Variants in DISP3 observed in about 807,000 individuals in gnomAD.
DISP3 encodes the protein protein dispatched homolog 3.
A neutral mutation model predicts 135.3 loss-of-function variants in DISP3; 101 were observed. That is an observed-to-expected ratio of 0.75 (90% confidence interval 0.64 to 0.88). The LOEUF is 0.88. Ranked by LOEUF, DISP3 falls within the 40% of genes least tolerant of loss-of-function variation. The probability of loss-of-function intolerance (pLI) is 0.00; values close to 1 mark genes in which losing one functional copy is unlikely to be tolerated. For missense variants in DISP3, 1,713 were observed against 1,878.6 expected, an observed-to-expected ratio of 0.91 and a Z score of 1.63; for synonymous variants, 856 against 817.0, an observed-to-expected ratio of 1.05 and a Z score of -0.81.
chr1:11,484,098 C>A (rs548930591), intron 1 of DISP3, among the ~76,000 whole-genome samples: 1 of 152,218 alleles, frequency 6.6e-6, no homozygotes, highest in Non-Finnish European at 1.5e-5. Flanking sequence ...TTGCTGTCAT[C>A]GCTCCAGTCC....
chr1:11,494,217 G>A (rs1025860674), intron 1 of DISP3, among the ~76,000 whole-genome samples: 22 of 152,236 alleles, frequency 1.4e-4, no homozygotes, highest in African/African-American at 5.1e-4. Flanking sequence ...CTTCCCTAGC[G>A]TCCTTGCAGG....
rs184538743 is a variant in DISP3, at chr1:11,529,986, C to G, written c.3102+27C>G. On this transcript the variant is annotated intron_variant, in intron 15 of 20. Coordinates refer to ENST00000294484, the MANE Select transcript of DISP3 (RefSeq NM_020780.2). The surrounding 1 kb of genome is among the most constrained non-coding windows in gnomAD (Gnocchi z 4.7). ...TACGGGGCATGCGTCGGGCAGATGC[C>G]GAGGGCCCCAGCTGCAACAGTCTTG... The G allele has an allele frequency of 1.2e-6, 2 of 1,603,420 alleles. No individual in the cohort carries two copies. The highest frequency in any genetic ancestry group is 1.1e-5 in the South Asian group (1 of 90,644).
chr1:11,536,506 G>A lies in DISP3; in HGVS notation c.3999G>A (p.Thr1333=), dbSNP rs777322447. The change falls in exon 21 of 21, where the codon ACG becomes ACA. Residue 1333 remains threonine, a synonymous_variant. Coordinates refer to ENST00000294484, the MANE Select transcript of DISP3 (RefSeq NM_020780.2). The surrounding 1 kb of genome is among the most constrained non-coding windows in gnomAD (Gnocchi z 4.3). ...ALNTGVSILY[T]LTVSTALLGI... is the part of the protein sequence containing the mutation. ...ACACGGGCGTGTCCATCCTCTACAC[G>A]CTGACCGTCAGCACCGCCCTGCTGG... The A allele has an allele frequency of 1.4e-5, 23 of 1,613,180 alleles. No homozygotes were observed. Among genetic ancestry groups the A allele is most frequent in the South Asian group, 4.4e-5 (4 of 91,082 alleles).
intron 3 of DISP3, among the ~76,000 whole-genome samples, chr1:11,504,815 AT>A (rs950465882): frequency 5.3e-5 from 8 of 152,332 alleles, no homozygotes; most frequent in African/African-American, 1.9e-4. Context: ...CATGAACTAA[AT>A]AAACCTCTTT....
Position 11,531,015 on chromosome 1 carries a change from G to A in DISP3, c.3211G>A (p.Ala1071Thr). Reference protein sequence around the residue: ...ANSELVKPGGAQCLPSGYSIS... With the variant: ...ANSELVKPGGTQCLPSGYSIS... ...CTCCGAGCTGGTGAAGCCGGGTGGGGCCCAGTGCCTGCCTTCAGGTGCGTG... is the reference window on the plus strand; with the variant it reads ...CTCCGAGCTGGTGAAGCCGGGTGGGACCCAGTGCCTGCCTTCAGGTGCGTG... Residue 1071 changes from alanine (A) to threonine (T), a missense_variant, in exon 16 of 21, where the codon GCC (alanine) becomes ACC (threonine). Physicochemically the swap from Ala to Thr is moderately conservative, Grantham distance 58. Around this residue, in one of 2 missense-constraint regions of DISP3, gnomAD observed 1,142 missense variants for 1,384.6 expected, o/e 0.82. Coordinates refer to ENST00000294484, the MANE Select transcript of DISP3 (RefSeq NM_020780.2). This position sits in a 1 kb window ranked among gnomAD's most constrained non-coding sequence, Gnocchi z 5.2. The A allele has an allele frequency of 6.2e-7, 1 of 1,613,828 alleles. No homozygotes were observed. Among genetic ancestry groups the A allele is most frequent in the South Asian group, 1.1e-5 (1 of 91,086 alleles).
intron 1 of DISP3, among the ~76,000 whole-genome samples, chr1:11,498,530 T>C (rs1178895625): frequency 6.6e-6 from 1 of 152,156 alleles, no homozygotes; most frequent in African/African-American, 2.4e-5. Context: ...ATGCCTGCAT[T>C]CCTTCCCCTT....
chr1:11,479,874 C>G (rs990578122), intron 1 of DISP3, among the ~76,000 whole-genome samples: 2 of 152,202 alleles, frequency 1.3e-5, no homozygotes, highest in East Asian at 1.9e-4. Flanking sequence ...GGGACATTTC[C>G]CCGATTAACC....
At chr1:11,484,787 C>T (rs543829919) in intron 1 of DISP3, among the ~76,000 whole-genome samples, 142 of 152,222 alleles carry the variant, frequency 9.3e-4, no homozygotes, top group Non-Finnish European at 1.5e-3. Flanking sequence ...GAAGGATTGG[C>T]ATGGATTTAG....
intron 1 of DISP3, among the ~76,000 whole-genome samples, chr1:11,488,871 A>G (rs933324155): frequency 2.6e-5 from 4 of 152,204 alleles, no homozygotes; most frequent in Non-Finnish European, 5.9e-5. Flanking sequence ...ATTGGAAATA[A>G]TTCCTAGGAG....
chr1:11,526,595 AG>A, intron 12 of DISP3, 55 bp from the exon 13 acceptor site: 2 of 1,566,632 alleles, frequency 1.3e-6, no homozygotes, highest in Non-Finnish European at 1.8e-6. Flanking sequence ...AGGCTGGCCC[AG>A]GCCGAGGCAG....
In DISP3 at chr1:11,520,969, C is replaced by A. The variant is rs1642170810; in HGVS notation, c.2362+121C>A. ...TGCCAGACCTCAGGCAAATCCCACT[C>A]CCCTCTGAGCCCCCATGTTCCCACA... On this transcript the variant is annotated intron_variant, in intron 10 of 20. Transcript: ENST00000294484. The surrounding 1 kb of genome is among the most constrained non-coding windows in gnomAD (Gnocchi z 4.8). The A allele has an allele frequency of 8.6e-6, 10 of 1,168,196 alleles. No individual in the cohort carries two copies. The South Asian group carries it at 1.5e-4, about 17-fold the overall frequency. The allele number at this position is 1,168,196 out of a possible 1,614,324, so 72.4% of individuals were successfully genotyped here. A position where few individuals can be genotyped will look rare whatever the true frequency, so the allele number is the denominator to read the frequency against.
intron 1 of DISP3, among the ~76,000 whole-genome samples, chr1:11,486,847 T>C (rs763615039): frequency 6.6e-6 from 1 of 151,982 alleles, no homozygotes; most frequent in African/African-American, 2.4e-5. Context: ...GCCGGATAAG[T>C]TTTTTACTTT....
At chr1:11,510,352 G>T (rs554006024) in intron 3 of DISP3, among the ~76,000 whole-genome samples, 4 of 151,928 alleles carry the variant, frequency 2.6e-5, no homozygotes, top group African/African-American at 9.7e-5. Context: ...TTGCTTTAGG[G>T]TTTATAGTAT....
At chr1:11,510,573 A>C (rs1264246453) in intron 3 of DISP3, among the ~76,000 whole-genome samples, 1 of 147,348 alleles carries the variant, frequency 6.8e-6, no homozygotes, top group Non-Finnish European at 1.5e-5. Flanking sequence ...TTAAATAAAT[A>C]AGAAAATTGT....
At chr1:11,496,482 C>T (rs923622481) in intron 1 of DISP3, among the ~76,000 whole-genome samples, 1 of 152,168 alleles carries the variant, frequency 6.6e-6, no homozygotes, top group African/African-American at 2.4e-5. Flanking sequence ...ACTCCACCCC[C>T]ATGGCCACAG....
chr1:11,522,618 A>AGCCAGGG (rs1642241635), intron 10 of DISP3, among the ~76,000 whole-genome samples: 4 of 35,430 alleles, frequency 1.1e-4, no homozygotes, highest in Admixed American at 3.2e-4. Context: ...CCCAGCCAGG[A>AGCCAGGG]CCCAGCCAGA....
At chr1:11,534,843 C>G (rs1260531510) in intron 18 of DISP3, 168 bp from the exon 19 acceptor site, 2 of 789,872 alleles carry the variant, frequency 2.5e-6, no homozygotes, top group Admixed American at 4.0e-5. Flanking sequence ...GAGGGCCTGA[C>G]CTGTGTTCTC....
At chr1:11,481,637 T>C (rs1640907308) in intron 1 of DISP3, 1 of 152,234 alleles carries the variant, frequency 6.6e-6, no homozygotes, top group African/African-American at 2.4e-5. Flanking sequence ...GGCAAACTAC[T>C]TCCCTTCTCT....
At chr1:11,511,992 AC>A (rs1236405900) in intron 3 of DISP3, among the ~76,000 whole-genome samples, 1 of 152,092 alleles carries the variant, frequency 6.6e-6, no homozygotes, top group African/African-American at 2.4e-5. Context: ...CTGTACATTG[AC>A]CCATTTCAGC....
Sources: gnomAD v4.1 joint callset for allele counts (sites outside exome capture counted in the v4.1 genomes callset) on GRCh38, gnomAD v4.1.1 for gene constraint, gnomAD v4.1.1 regional missense constraint, Gnocchi (gnomAD v3.1) non-coding constraint, MANE v1.5 for transcripts, NCBI Gene and HGNC (gene_info 2026-07-23, HGNC 2026-07-21) for gene names.